The following BRINP3 variants were observed in gnomAD, a reference collection of about 807,000 sequenced individuals.
BRINP3 encodes the protein BMP/retinoic acid inducible neural specific 3.
In BRINP3, 19 loss-of-function variants were observed where a neutral mutation model predicts 71.0. The observed-to-expected ratio is 0.27, with a 90% confidence interval of 0.19 to 0.39. The LOEUF (loss-of-function observed/expected upper bound fraction) is 0.39. Among genes scored for constraint, BRINP3 ranks in the 10% least tolerant of loss-of-function variants. BRINP3 has a pLI of 1.00. For missense variants in BRINP3, 959 were observed against 940.8 expected (o/e 1.02, Z -0.25); for synonymous variants, 380 against 337.7 (o/e 1.13, Z -1.37).
At chr1:190,233,082 A>C (rs1658153542) in intron 5 of BRINP3, among the ~76,000 whole-genome samples, 1 of 152,126 alleles carries the variant, frequency 6.6e-6, no homozygotes, top group Non-Finnish European at 1.5e-5. Context: ...AAATTTAAAC[A>C]ATTCAATGTT....
chr1:190,305,999 ATTGT>A (rs1665070250), intron 2 of BRINP3, among the ~76,000 whole-genome samples: 1 of 151,858 alleles, frequency 6.6e-6, no homozygotes, highest in African/African-American at 2.4e-5. Context: ...ACAATAAAAT[ATTGT>A]TTCTTTTCTG....
intron 6 of BRINP3, among the ~76,000 whole-genome samples, chr1:190,177,424 C>T (rs1416317260): frequency 2.7e-5 from 4 of 150,052 alleles, no homozygotes; most frequent in South Asian, 2.1e-4. Flanking sequence ...GTGATCCACC[C>T]GCCTCGGCCT....
chr1:190,385,734 T>C (rs1670846603), intron 2 of BRINP3, among the ~76,000 whole-genome samples: 1 of 152,116 alleles, frequency 6.6e-6, no homozygotes. Context: ...TTACTAGGTA[T>C]ATACCCAAAG....
intron 2 of BRINP3, among the ~76,000 whole-genome samples, chr1:190,375,466 T>A (rs1670125187): frequency 6.6e-6 from 1 of 151,936 alleles, no homozygotes; most frequent in African/African-American, 2.4e-5. Flanking sequence ...TTATCCCCAA[T>A]TAATGTATTC....
chr1:190,419,664 A>T (rs1673232425), intron 2 of BRINP3, among the ~76,000 whole-genome samples: 1 of 147,888 alleles, frequency 6.8e-6, no homozygotes, highest in Non-Finnish European at 1.5e-5. Flanking sequence ...CCTAGTTTTA[A>T]AACGTTATAT....
At chr1:190,125,827 A>C (rs768842258) in intron 7 of BRINP3, among the ~76,000 whole-genome samples, 4 of 151,946 alleles carry the variant, frequency 2.6e-5, no homozygotes, top group Non-Finnish European at 4.4e-5. Flanking sequence ...TGATATATTC[A>C]ACTTCTAAGG....
chr1:190,358,551 T>C (rs1668900807), intron 2 of BRINP3, among the ~76,000 whole-genome samples: 2 of 152,204 alleles, frequency 1.3e-5, no homozygotes, highest in Admixed American at 6.5e-5. Context: ...GGAACACTTT[T>C]ACACTGTTGG....
At chr1:190,265,607 C>T (rs957880909) in intron 3 of BRINP3, among the ~76,000 whole-genome samples, 3 of 150,040 alleles carry the variant, frequency 2.0e-5, no homozygotes, top group African/African-American at 2.4e-5. Flanking sequence ...CCAGCTACTC[C>T]GGAGGCTGTG....
chr1:190,120,902 A>G (rs115410101), intron 7 of BRINP3, among the ~76,000 whole-genome samples: 3,285 of 152,262 alleles, frequency 0.022, 53 homozygotes, highest in Middle Eastern at 0.041. Flanking sequence ...AGCATTCACA[A>G]TGCCAACAGA....
At chr1:190,471,388 G>A (rs1007204810) in intron 1 of BRINP3, among the ~76,000 whole-genome samples, 1 of 150,996 alleles carries the variant, frequency 6.6e-6, no homozygotes, top group East Asian at 1.9e-4. Context: ...TTATCCATTA[G>A]CAATCAATAA....
chr1:190,217,150 T>C (rs1012602366), intron 6 of BRINP3: 1 of 151,790 alleles, frequency 6.6e-6, no homozygotes. Context: ...ATGTAAAGAG[T>C]GCACTTGCAC....
intron 1 of BRINP3, among the ~76,000 whole-genome samples, chr1:190,471,520 C>T (rs1677137713): frequency 6.6e-6 from 1 of 151,198 alleles, no homozygotes; most frequent in South Asian, 2.1e-4. Context: ...AGTTATACTT[C>T]GAAGTGTCTA....
At chr1:190,336,852 T>TTCCC (rs1362393092) in intron 2 of BRINP3, among the ~76,000 whole-genome samples, 1 of 127,902 alleles carries the variant, frequency 7.8e-6, no homozygotes, top group African/African-American at 2.9e-5. Context: ...CCTTCCTTCC[T>TTCCC]TCCCTCCTTC....
intron 2 of BRINP3, among the ~76,000 whole-genome samples, chr1:190,454,308 T>C (rs1038839598): frequency 5.3e-5 from 8 of 152,144 alleles, no homozygotes; most frequent in African/African-American, 1.9e-4. Context: ...AACATAGCAT[T>C]GTATAAGGTA....
chr1:190,135,560 A>G (rs1450890073), intron 7 of BRINP3, among the ~76,000 whole-genome samples: 1 of 152,112 alleles, frequency 6.6e-6, no homozygotes, highest in Admixed American at 6.6e-5. Flanking sequence ...TGTACATTTC[A>G]TGTTCCATGG....
chr1:190,283,773 A>C (rs1005331000), intron 2 of BRINP3, among the ~76,000 whole-genome samples: 3 of 151,586 alleles, frequency 2.0e-5, no homozygotes, highest in Admixed American at 2.0e-4. Flanking sequence ...ACTTCTAAGA[A>C]GTTATTTTTA....
At chr1:190,202,870 G>A (rs186605296) in intron 6 of BRINP3, among the ~76,000 whole-genome samples, 4 of 152,182 alleles carry the variant, frequency 2.6e-5, no homozygotes, top group African/African-American at 9.6e-5. Flanking sequence ...TTTCAGGTAA[G>A]TCTTTATCAG....
At chr1:190,320,747 C>A (rs1418272668) in intron 2 of BRINP3, among the ~76,000 whole-genome samples, 2 of 151,818 alleles carry the variant, frequency 1.3e-5, no homozygotes, top group South Asian at 2.1e-4. Context: ...ATGTGCATAT[C>A]TTTGGGGTGT....
intron 4 of BRINP3, among the ~76,000 whole-genome samples, chr1:190,250,827 A>G (rs1660065607): frequency 6.6e-6 from 1 of 152,014 alleles, no homozygotes; most frequent in African/African-American, 2.4e-5. Context: ...GTGGAAATAC[A>G]TAAATTCACC....
Sources: allele counts gnomAD v4.1 joint callset (sites outside exome capture counted in the v4.1 genomes callset), GRCh38; gene constraint gnomAD v4.1.1; transcripts MANE v1.5; gene names NCBI Gene and HGNC (gene_info 2026-07-23, HGNC 2026-07-21).